RIC1: variants seen among roughly 807,000 people sequenced by gnomAD.
The protein encoded by RIC1 is guanine nucleotide exchange factor subunit RIC1.
In RIC1, 88 loss-of-function variants were observed where a neutral mutation model predicts 169.0. The observed-to-expected ratio is 0.52, with a 90% CI of 0.44 to 0.62. RIC1 has a LOEUF of 0.62. Ranked by LOEUF, RIC1 falls within the 20% of genes least tolerant of loss-of-function variation. The pLI is 0.00. For missense variants in RIC1, 1,877 were observed against 1,725.5 expected (o/e 1.09, Z -1.56); for synonymous variants, 790 against 601.5 (o/e 1.31, Z -4.59).
rs1285248613 is a variant in RIC1 at position 5,720,505 on chromosome 9, T to C, written c.584-109T>C. On this transcript the variant is annotated intron_variant, in intron 5 of 25. Transcript: ENST00000414202. Reference sequence around the variant, plus strand: ...AGGACAGTTTAATTATTTAGGGTTGTTAGGTCATTATTTTTACCCTTTTAA... The same window carrying C: ...AGGACAGTTTAATTATTTAGGGTTGCTAGGTCATTATTTTTACCCTTTTAA... The C allele has an allele frequency of 9.0e-6, 11 of 1,220,702 alleles. No homozygotes were observed. The East Asian group carries it at 1.7e-4, about 19-fold the overall frequency. The allele number at this position is 1,220,702 out of a possible 1,614,324, so 75.6% of individuals were successfully genotyped here.
At chr9:5,653,699 G>C (rs978518729) in intron 1 of RIC1, among the ~76,000 whole-genome samples, 6 of 152,090 alleles carry the variant, frequency 3.9e-5, no homozygotes, top group Admixed American at 3.3e-4. Flanking sequence ...CTGGGTTCAA[G>C]TGATTCTCCT....
intron 2 of RIC1, among the ~76,000 whole-genome samples, chr9:5,677,941 A>G (rs200674113): frequency 6.6e-6 from 1 of 151,770 alleles, no homozygotes; most frequent in African/African-American, 2.4e-5. Context: ...TGTTAGTGTG[A>G]TGCACCCATT....
chr9:5,736,592 G>A (rs1272984802), intron 7 of RIC1, among the ~76,000 whole-genome samples: 1 of 152,132 alleles, frequency 6.6e-6, no homozygotes, highest in Non-Finnish European at 1.5e-5. Flanking sequence ...CACCAAAGAG[G>A]TGGCACAAAG....
intron 3 of RIC1, among the ~76,000 whole-genome samples, chr9:5,704,883 G>A (rs572498402): frequency 2.0e-5 from 3 of 152,056 alleles, no homozygotes; most frequent in African/African-American, 4.8e-5. Flanking sequence ...TAATTCTTTC[G>A]TAAATGGTTA....
chr9:5,697,396 G>C (rs726052), intron 3 of RIC1, among the ~76,000 whole-genome samples: 1,723 of 152,192 alleles, frequency 0.011, 46 homozygotes, highest in African/African-American at 0.04. Flanking sequence ...ATGGTTGGTT[G>C]ATCTATTTTG....
chr9:5,760,190 A>C (rs1374429481), intron 17 of RIC1, among the ~76,000 whole-genome samples: 1 of 152,214 alleles, frequency 6.6e-6, no homozygotes, highest in Non-Finnish European at 1.5e-5. Context: ...TTGTTACTGA[A>C]ACTCTCATAG....
rs558144605 is a variant in RIC1, at chr9:5,737,599, C to CGTGTGTGT, written c.813-851_813-850insGTGTGTGT. Among the ~76,000 whole-genome samples the CGTGTGTGT allele has an allele frequency of 2.6e-3, 217 of 82,564 alleles. 4 individuals are homozygous for CGTGTGTGT. In the East Asian group the frequency reaches 0.12, roughly 46 times the overall value. The allele number at this position is 82,564 out of a possible 152,430, so 54.2% of individuals were successfully genotyped here. A position where few individuals can be genotyped will look rare whatever the true frequency, so the allele number is the denominator to read the frequency against. On this transcript the variant is annotated intron_variant, in intron 7 of 25. Coordinates refer to ENST00000414202, the MANE Select transcript of RIC1 (RefSeq NM_020829.4). ...TATTTACTATGCTTTTACACACACA[C>CGTGTGTGT]ATGTTTTATATCTTAAACGTATATA...
At chr9:5,665,214 G>C (rs147620531) in intron 2 of RIC1, among the ~76,000 whole-genome samples, 2 of 151,784 alleles carry the variant, frequency 1.3e-5, no homozygotes, top group African/African-American at 4.8e-5. Context: ...GCTCTAATAG[G>C]TCAGTTAACT....
intron 3 of RIC1, among the ~76,000 whole-genome samples, chr9:5,706,540 T>C (rs761545712): frequency 8.5e-5 from 13 of 152,176 alleles, no homozygotes; most frequent in Non-Finnish European, 1.6e-4. Flanking sequence ...CATTCTTATT[T>C]AAATATTGTA....
chr9:5,681,676 G>C (rs976416382), intron 2 of RIC1, among the ~76,000 whole-genome samples: 16 of 152,170 alleles, frequency 1.1e-4, no homozygotes, highest in Admixed American at 7.2e-4. Context: ...GTGCAGTGCT[G>C]AGTTCAATTC....
At chr9:5,747,589 A>G (rs1200945280) in intron 12 of RIC1, 84 bp downstream of exon 12, 2 of 1,170,014 alleles carry the variant, frequency 1.7e-6, no homozygotes, top group African/African-American at 3.0e-5. Flanking sequence ...TTCATCTGTT[A>G]ACTTCAGGCA....
intron 17 of RIC1, among the ~76,000 whole-genome samples, chr9:5,759,222 C>T (rs1191994583): frequency 6.6e-6 from 1 of 152,056 alleles, no homozygotes; most frequent in African/African-American, 2.4e-5. Context: ...TTTTGCAGTC[C>T]TGAGGAACTA....
At position 5,709,573 on chromosome 9, in the gene RIC1, A is replaced by G. The variant is rs79475920; in HGVS notation, c.333-4323A>G. 2.4e-4 allele frequency among the ~76,000 whole-genome samples: 37 copies of G among 152,324 alleles called. No homozygotes were observed. In the East Asian group the frequency reaches 7.1e-3, roughly 29 times the overall value. ...TAGAACGTTTTGTACACTGTTTCAT[A>G]CATAGTAAATGCTCTATTCCTATTC... On this transcript the variant is annotated intron_variant, in intron 3 of 25. Transcript: ENST00000414202.
At chr9:5,753,278 G>T in intron 13 of RIC1, 40 bp downstream of exon 13, 1 of 1,582,716 alleles carries the variant, frequency 6.3e-7, no homozygotes. Context: ...TTGTTGACTA[G>T]CATTTGCTGC....
chr9:5,673,698 A>G (rs1215910178), intron 2 of RIC1, among the ~76,000 whole-genome samples: 1 of 151,752 alleles, frequency 6.6e-6, no homozygotes, highest in Non-Finnish European at 1.5e-5. Context: ...TGAATGTGGA[A>G]GAACAGTCAG....
At chr9:5,680,631 T>A (rs1287636695) in intron 2 of RIC1, among the ~76,000 whole-genome samples, 1 of 152,146 alleles carries the variant, frequency 6.6e-6, no homozygotes, top group Non-Finnish European at 1.5e-5. Flanking sequence ...CTAGTTTATT[T>A]GTGTAGAGGT....
At chr9:5,715,891 A>G (rs1473561479) in intron 4 of RIC1, among the ~76,000 whole-genome samples, 2 of 147,624 alleles carry the variant, frequency 1.4e-5, no homozygotes, top group Non-Finnish European at 3.0e-5. Flanking sequence ...TGGCACAATC[A>G]CAGCTAATTG....
intron 7 of RIC1, among the ~76,000 whole-genome samples, chr9:5,734,972 C>A (rs902204332): frequency 6.6e-6 from 1 of 151,902 alleles, no homozygotes; most frequent in Non-Finnish European, 1.5e-5. Flanking sequence ...GATCTAATAC[C>A]CAATTTATAT....
At chr9:5,728,187 T>C (rs1168614113) in intron 6 of RIC1, among the ~76,000 whole-genome samples, 1 of 152,236 alleles carries the variant, frequency 6.6e-6, no homozygotes, top group Admixed American at 6.5e-5. Flanking sequence ...TGCGGTGGGC[T>C]CCACCCACTT....
Sources: allele counts gnomAD v4.1 joint callset (sites outside exome capture counted in the v4.1 genomes callset), GRCh38; gene constraint gnomAD v4.1.1; transcripts MANE v1.5; gene names NCBI Gene and HGNC (gene_info 2026-07-23, HGNC 2026-07-21).